Variants in CLASP2 observed in about 807,000 individuals in gnomAD.
CLASP2 encodes CLIP-associating protein 2.
A neutral mutation model predicts 194.4 loss-of-function variants in CLASP2; 47 were observed. That is an observed-to-expected ratio of 0.24 (90% CI 0.19 to 0.31). The LOEUF (loss-of-function observed/expected upper bound fraction) is 0.31. CLASP2 is among the 10% of genes least tolerant of loss of function. The pLI is 1.00. For synonymous variants in CLASP2, 619 were observed against 633.5 expected (o/e 0.98, Z 0.34); for missense variants, 1,445 against 1,823.6 (o/e 0.79, Z 3.78).
At chr3:33,645,654 T>C (rs2082144868) in intron 7 of CLASP2, among the ~76,000 whole-genome samples, 1 of 152,216 alleles carries the variant, frequency 6.6e-6, no homozygotes. Flanking sequence ...AATCTGTTTT[T>C]CTTATTTGAC....
At chr3:33,656,518 T>C (rs781618484) in intron 7 of CLASP2, among the ~76,000 whole-genome samples, 4 of 152,206 alleles carry the variant, frequency 2.6e-5, no homozygotes, top group South Asian at 2.1e-4. Flanking sequence ...CAGCAGACAC[T>C]ACTGGTGGGA....
At chr3:33,622,024 G>T in intron 11 of CLASP2, 111 bp downstream of exon 11, 2 of 785,402 alleles carry the variant, frequency 2.5e-6, no homozygotes, top group Non-Finnish European at 3.7e-6. Context: ...AATGATTTTT[G>T]GATCATATAC....
chr3:33,608,540 TGGGAGGAAGGA>T lies in CLASP2; in HGVS notation c.1448+16_1448+26del, dbSNP rs1225233013. On this transcript the variant is annotated intron_variant, in intron 14 of 38. Coordinates refer to ENST00000682230, the MANE Select transcript of CLASP2 (RefSeq NM_001365631.1). Reference sequence around the variant, plus strand: ...GAACTGGTGACAATGGGGAGGAAAGTGGGAGGAAGGAAGAGGGAATGCATACCTTTCCAATG... The same window carrying T: ...GAACTGGTGACAATGGGGAGGAAAGTAGAGGGAATGCATACCTTTCCAATG... 44 of 1,570,958 alleles carry T rather than the reference TGGGAGGAAGGA, an allele frequency of 2.8e-5. No individual in the cohort carries two copies. Among genetic ancestry groups the T allele is most frequent in the Non-Finnish European group, 3.8e-5 (44 of 1,145,516 alleles).
chr3:33,578,838 T>C (rs1341739994), intron 23 of CLASP2, among the ~76,000 whole-genome samples: 1 of 152,184 alleles, frequency 6.6e-6, no homozygotes, highest in East Asian at 1.9e-4. Context: ...CAGAAATACA[T>C]GGAAACTAAA....
At chr3:33,594,644 G>C (rs1438967555) in intron 20 of CLASP2, among the ~76,000 whole-genome samples, 1 of 150,776 alleles carries the variant, frequency 6.6e-6, no homozygotes, top group Non-Finnish European at 1.5e-5. Flanking sequence ...AAGCATTAAT[G>C]TCACTACTAT....
chr3:33,592,306 CT>C lies in CLASP2; in HGVS notation c.2068+88del, dbSNP rs377015436. ...TTTAAATTAGCTTTGTCTTTATCCA[CT>C]GGTCAATCGTCTAATACAGTAATAC... On this transcript the variant is annotated intron_variant, in intron 21 of 38. Coordinates refer to ENST00000682230, the MANE Select transcript of CLASP2 (RefSeq NM_001365631.1). The C allele has an allele frequency of 8.6e-5, 79 of 919,560 alleles. No homozygotes were observed. The African/African-American group carries it at 1.3e-3, about 15-fold the overall frequency. 57.0% of individuals were successfully genotyped at this position (919,560 alleles called of 1,614,324 possible).
chr3:33,603,212 C>A, intron 17 of CLASP2, 87 bp from the exon 18 acceptor site: 1 of 1,364,304 alleles, frequency 7.3e-7, no homozygotes, highest in East Asian at 2.5e-5. Flanking sequence ...ATGAGCTAAT[C>A]TGATGACAAA....
chr3:33,559,565 T>A (rs2061471062), intron 28 of CLASP2, among the ~76,000 whole-genome samples, 180 bp from the exon 29 acceptor site: 1 of 152,172 alleles, frequency 6.6e-6, no homozygotes, highest in East Asian at 1.9e-4. Context: ...CAGAAGAATA[T>A]GAACATCTGA....
chr3:33,539,271 T>A (rs1000388746), intron 32 of CLASP2, among the ~76,000 whole-genome samples: 14 of 151,858 alleles, frequency 9.2e-5, no homozygotes, highest in Non-Finnish European at 1.6e-4. Flanking sequence ...TTTAAAAGAT[T>A]GGAAAAAAAC....
intron 6 of CLASP2, among the ~76,000 whole-genome samples, chr3:33,667,406 CAAAAAAAAAAAA>C (rs537846651): frequency 6.8e-5 from 3 of 44,148 alleles, no homozygotes; most frequent in Non-Finnish European, 1.2e-4. Flanking sequence ...GAGACTATCT[CAAAAAAAAAAAA>C]AAAAAAAAAA....
chr3:33,578,239 T>A (rs2065303605), intron 23 of CLASP2, among the ~76,000 whole-genome samples: 3 of 152,196 alleles, frequency 2.0e-5, no homozygotes, highest in African/African-American at 7.2e-5. Context: ...ATTCAGTATA[T>A]TATTTAAATA....
At chr3:33,546,298 G>A (rs1161048364) in intron 30 of CLASP2, among the ~76,000 whole-genome samples, 1 of 152,028 alleles carries the variant, frequency 6.6e-6, no homozygotes, top group East Asian at 1.9e-4. Context: ...ATAAACCTAA[G>A]TATCTCTGGA....
chr3:33,576,448 T>A, intron 23 of CLASP2, 173 bp from the exon 24 acceptor site: 1 of 553,458 alleles, frequency 1.8e-6, no homozygotes, highest in Non-Finnish European at 3.3e-6. Flanking sequence ...AATAAAAGGG[T>A]AAAGACAATT....
rs778389832 is a variant in CLASP2 at position 33,617,949 on chromosome 3, A to G, written c.1317+1654T>C. On this transcript the variant is annotated intron_variant, in intron 12 of 38. Coordinates refer to ENST00000682230, the MANE Select transcript of CLASP2 (RefSeq NM_001365631.1). ...TTATTATTATTATATATATATATATATATTTTTTTTTTTTTTGAGATGGAG... is the reference window on the plus strand; with the variant it reads ...TTATTATTATTATATATATATATATGTATTTTTTTTTTTTTTGAGATGGAG... 8.9e-5 allele frequency among the ~76,000 whole-genome samples: 11 copies of G among 123,052 alleles called. No individual in the cohort carries two copies. In the East Asian group the frequency reaches 2.0e-3, roughly 22 times the overall value. 80.7% of individuals were successfully genotyped at this position (123,052 alleles called of 152,430 possible). A position where few individuals can be genotyped will look rare whatever the true frequency, so the allele number is the denominator to read the frequency against.
chr3:33,498,662 T>C lies in CLASP2; in HGVS notation c.4490A>G (p.Asp1497Gly). The change falls in exon 39 of 39, where the codon GAT (aspartate) becomes GGT (glycine). Residue 1497 changes from aspartate (D) to glycine (G), a missense_variant. Physicochemically the swap from Asp to Gly is moderately conservative, Grantham distance 94. Coordinates refer to ENST00000682230, the MANE Select transcript of CLASP2 (RefSeq NM_001365631.1). ...TTGTCCAGAAACATCAGTAGTGGGATCAGCTCCTCCAGAACCTGTTTGTGC... is the reference window on the plus strand; with the variant it reads ...TTGTCCAGAAACATCAGTAGTGGGACCAGCTCCTCCAGAACCTGTTTGTGC... ...KRAQTGSGGA[D>G]PTTDVSGQS is the part of the protein sequence containing the mutation. 1 of 1,613,528 alleles carries C rather than the reference T, an allele frequency of 6.2e-7. No homozygotes were observed. The highest frequency in any genetic ancestry group is 8.5e-7 in the Non-Finnish European group (1 of 1,179,530).
intron 6 of CLASP2, among the ~76,000 whole-genome samples, chr3:33,677,298 C>T (rs1270025998): frequency 4.9e-4 from 75 of 151,626 alleles, no homozygotes; most frequent in African/African-American, 1.7e-3. Context: ...AGACTTGGAA[C>T]CAACCCAAAT....
intron 38 of CLASP2, among the ~76,000 whole-genome samples, chr3:33,501,190 TAGAA>T (rs775420051): frequency 1.5e-4 from 23 of 152,260 alleles, no homozygotes; most frequent in African/African-American, 4.6e-4. Flanking sequence ...ATTTGGATAA[TAGAA>T]AGAGAAGAAC....
At chr3:33,604,015 T>TA in intron 17 of CLASP2, 139 bp downstream of exon 17, 1 of 632,330 alleles carries the variant, frequency 1.6e-6, no homozygotes, top group Non-Finnish European at 2.8e-6. Flanking sequence ...CACGTATACA[T>TA]ATACAGGTAC....
At chr3:33,685,370 C>G (rs1176162151) in intron 5 of CLASP2, among the ~76,000 whole-genome samples, 1 of 114,168 alleles carries the variant, frequency 8.8e-6, no homozygotes, top group African/African-American at 2.9e-5. Context: ...AAAAAAAAAT[C>G]CTATCTGTAG....
Sources: gnomAD v4.1 joint callset for allele counts (sites outside exome capture counted in the v4.1 genomes callset) on GRCh38, gnomAD v4.1.1 for gene constraint, MANE v1.5 for transcripts, NCBI Gene and HGNC (gene_info 2026-07-23, HGNC 2026-07-21) for gene names.